Variants in EPS15 observed in about 807,000 individuals in gnomAD.
The protein encoded by EPS15 is epidermal growth factor receptor substrate 15.
A neutral mutation model predicts 113.8 loss-of-function variants in EPS15; 72 were observed. The observed-to-expected ratio is 0.63, with a 90% CI of 0.52 to 0.77. The LOEUF is 0.77. Among genes scored for constraint, EPS15 ranks in the 30% least tolerant of loss-of-function variants. The pLI is 0.00. For missense variants in EPS15, 1,048 were observed against 1,045.8 expected (o/e 1.00, Z -0.03); for synonymous variants, 344 against 363.4 (o/e 0.95, Z 0.61).
At chr1:51,423,166 T>C (rs1244822430) in intron 12 of EPS15, 2 of 1,278,214 alleles carry the variant, frequency 1.6e-6, no homozygotes, top group East Asian at 1.1e-4. Context: ...ATTTGTACAC[T>C]GTTACTTTTA....
At chr1:51,445,179 T>C (rs1163603263) in intron 10 of EPS15, 134 bp from the exon 11 acceptor site, 1 of 777,198 alleles carries the variant, frequency 1.3e-6, no homozygotes, top group Non-Finnish European at 2.0e-6. Context: ...TTGCAGGTTA[T>C]TAAAAACTCA....
chr1:51,413,154 A>T (rs1172744986), intron 13 of EPS15, among the ~76,000 whole-genome samples: 1 of 152,134 alleles, frequency 6.6e-6, no homozygotes, highest in Non-Finnish European at 1.5e-5. Flanking sequence ...TCCACAAGCC[A>T]TAACCTCTGT....
At chr1:51,389,204 C>T (rs541245932) in intron 21 of EPS15, among the ~76,000 whole-genome samples, 1 of 152,042 alleles carries the variant, frequency 6.6e-6, no homozygotes, top group Non-Finnish European at 1.5e-5. Flanking sequence ...ATAAACAGAA[C>T]CAAAGACAAA....
intron 12 of EPS15, 122 bp downstream of exon 12, chr1:51,440,225 T>C: frequency 2.4e-6 from 1 of 419,484 alleles, no homozygotes. Flanking sequence ...AAATATACAT[T>C]AGAAACAGAA....
intron 12 of EPS15, among the ~76,000 whole-genome samples, chr1:51,429,376 T>C (rs1651502318): frequency 6.6e-6 from 1 of 152,138 alleles, no homozygotes; most frequent in Admixed American, 6.5e-5. Context: ...CTTTAAAATT[T>C]TAACCACTTT....
Position 51,513,585 on chromosome 1 carries a change from AAAG to A in EPS15, c.33+5611_33+5613del, listed in dbSNP as rs575988580. On this transcript the variant is annotated intron_variant, in intron 1 of 24. Transcript: ENST00000371733. ...GAAAGCAAATGAGGGCCTAAAGCAG[AAAG>A]AAGACTTCACTAGCATTGTATGAAT... Among the ~76,000 whole-genome samples, 25 of 152,344 alleles carry A rather than the reference AAAG, an allele frequency of 1.6e-4. No homozygotes were observed. The South Asian group carries it at 4.8e-3, about 29-fold the overall frequency.
chr1:51,390,851 T>C (rs1311769222), intron 21 of EPS15, among the ~76,000 whole-genome samples: 1 of 152,112 alleles, frequency 6.6e-6, no homozygotes, highest in Non-Finnish European at 1.5e-5. Context: ...ACAGGAACAT[T>C]TTTACACTGT....
rs180910214 is a variant in EPS15, at chr1:51,379,993, G to T, written c.2120-13964C>A. Among the ~76,000 whole-genome samples the T allele has an allele frequency of 8.8e-4, 134 of 151,902 alleles. 1 individual carries two copies. The highest frequency in any genetic ancestry group is 3.1e-3 in the African/African-American group (130 of 41,412). ...AGGAGAACAACTTGAAGCGACAGGG[G>T]GAGGATGCAGTGAGCCAAGATCTTG... On this transcript the variant is annotated intron_variant, in intron 21 of 24. Coordinates refer to ENST00000371733, the MANE Select transcript of EPS15 (RefSeq NM_001981.3).
In EPS15 at chr1:51,471,687, T is replaced by C; in HGVS notation, c.213+3A>G. Reference sequence around the variant, plus strand: ...AAAAATCATATGAATATCTGAAACTTACTTGTTTGTTCAGGATACCTTTGC... The same window carrying C: ...AAAAATCATATGAATATCTGAAACTCACTTGTTTGTTCAGGATACCTTTGC... On this transcript the variant is annotated splice_donor_region_variant and intron_variant, in intron 4 of 24. Transcript: ENST00000371733. 1.9e-6 allele frequency: 3 copies of C among 1,604,742 alleles called. No homozygotes were observed. Among genetic ancestry groups the C allele is most frequent in the Non-Finnish European group, 2.6e-6 (3 of 1,173,716 alleles).
intron 8 of EPS15, 41 bp downstream of exon 8, chr1:51,461,050 C>A: frequency 7.6e-7 from 1 of 1,309,904 alleles, no homozygotes; most frequent in South Asian, 1.2e-5. Context: ...ATGAGAAAAT[C>A]ATTAAGATAA....
chr1:51,372,289 C>T (rs940815202), intron 21 of EPS15: 16 of 505,428 alleles, frequency 3.2e-5, no homozygotes, highest in Middle Eastern at 6.4e-4. Context: ...GTGCAGAAGG[C>T]AGTGGTCCAC....
intron 8 of EPS15, among the ~76,000 whole-genome samples, chr1:51,448,786 A>T (rs1653285509): frequency 6.6e-6 from 1 of 152,162 alleles, no homozygotes; most frequent in African/African-American, 2.4e-5. Context: ...AGCAACTGAG[A>T]AGTAGTAGCA....
intron 6 of EPS15, among the ~76,000 whole-genome samples, chr1:51,464,888 C>T (rs1051699566): frequency 6.6e-6 from 1 of 152,092 alleles, no homozygotes; most frequent in Non-Finnish European, 1.5e-5. Context: ...TGCAAAATAC[C>T]TATTTCTAAA....
At position 51,471,690 on chromosome 1, in the gene EPS15, T is replaced by C. The variant is rs866230476; in HGVS notation, c.213A>G (p.Gln71=). 6.2e-7 allele frequency: 1 copy of C among 1,606,076 alleles called. No homozygotes were observed. Among genetic ancestry groups the C allele is most frequent in the Non-Finnish European group, 8.5e-7 (1 of 1,174,852 alleles). Residue 71 remains glutamine (Q), a splice_region_variant and synonymous_variant, in exon 4 of 25, where the codon CAA becomes CAG. Transcript: ENST00000371733. ...DTDGKGILNK[Q]EFFVALRLVA... ...AATCATATGAATATCTGAAACTTACTTGTTTGTTCAGGATACCTTTGCCAT... is the reference window on the plus strand; with the variant it reads ...AATCATATGAATATCTGAAACTTACCTGTTTGTTCAGGATACCTTTGCCAT...
rs763509874 is a variant in EPS15, at chr1:51,408,178, G to A, written c.1430C>T (p.Pro477Leu). ...TGAATCTTGTAGGTGCTGCTGAAGA[G>A]GTTCCAACTGAGCCTTCCCTGACTC... ...SVESGKAQLE[P>L]LQQHLQDSQQ... Residue 477 changes from proline to leucine, a missense_variant, in exon 15 of 25, where the codon CCT becomes CTT. Pro to Leu is a moderately conservative substitution (Grantham distance 98). Transcript: ENST00000371733. The A allele has an allele frequency of 6.2e-7, 1 of 1,614,048 alleles. No homozygotes were observed. Among genetic ancestry groups the A allele is most frequent in the South Asian group, 1.1e-5 (1 of 91,084 alleles).
intron 4 of EPS15, among the ~76,000 whole-genome samples, chr1:51,469,398 T>C (rs1249821206): frequency 2.0e-5 from 3 of 152,174 alleles, no homozygotes; most frequent in Non-Finnish European, 4.4e-5. Context: ...AACTTCAAAA[T>C]AATTATAAAT....
rs112818707 is a variant in EPS15, at chr1:51,367,843, C to A, written c.2120-1814G>T. On this transcript the variant is annotated intron_variant, in intron 21 of 24. Transcript: ENST00000371733. ...CAAGACAAAGAGGCACAGAAAAGTT[C>A]TCCTCAGGCCGGGCACAGTGGCTCA... Among the ~76,000 whole-genome samples, 1,075 of 152,226 alleles carry A rather than the reference C, an allele frequency of 7.1e-3. 7 individuals are homozygous for A. Among genetic ancestry groups the A allele is most frequent in the African/African-American group, 0.025 (1,032 of 41,550 alleles).
intron 10 of EPS15, among the ~76,000 whole-genome samples, chr1:51,445,505 AG>A (rs1402060043): frequency 6.6e-6 from 1 of 152,230 alleles, no homozygotes; most frequent in Non-Finnish European, 1.5e-5. Flanking sequence ...GGAGGATACA[AG>A]GATCACCAAG....
At chr1:51,376,066 T>C (rs1646790298) in intron 21 of EPS15, among the ~76,000 whole-genome samples, 2 of 152,238 alleles carry the variant, frequency 1.3e-5, no homozygotes, top group Non-Finnish European at 2.9e-5. Flanking sequence ...CAAAGCAGTC[T>C]TCTACTGGAA....
Sources: gnomAD v4.1 joint callset for allele counts (sites outside exome capture counted in the v4.1 genomes callset) on GRCh38, gnomAD v4.1.1 for gene constraint, MANE v1.5 for transcripts, NCBI Gene and HGNC (gene_info 2026-07-23, HGNC 2026-07-21) for gene names.